HDAC9: variants seen among roughly 807,000 people sequenced by gnomAD.
HDAC9 encodes the protein histone deacetylase 9, also known as MEF-2 interacting transcription repressor (MITR) protein.
Under a neutral mutation model 139.4 loss-of-function variants are expected in HDAC9, and 41 were observed. The ratio of observed to expected loss-of-function variants is 0.29; its 90% CI spans 0.23 to 0.38. HDAC9 has a LOEUF of 0.38. HDAC9 is among the 10% of genes least tolerant of loss of function. The pLI, the probability that HDAC9 is intolerant of heterozygous loss-of-function variation, is 1.00. For synonymous variants in HDAC9, 517 were observed against 476.2 expected (o/e 1.09, Z -1.12); for missense variants, 1,147 against 1,297.0 (o/e 0.88, Z 1.78).
chr7:18,667,657 G>A, intron 12 of HDAC9: 1 of 985,168 alleles, frequency 1.0e-6, no homozygotes, highest in South Asian at 4.7e-5. Flanking sequence ...AATGCCTTGT[G>A]GAAACAGGAA....
At chr7:18,680,754 G>C (rs1781838321) in intron 12 of HDAC9, among the ~76,000 whole-genome samples, 1 of 152,026 alleles carries the variant, frequency 6.6e-6, no homozygotes, top group Admixed American at 6.6e-5. Context: ...TCACGTGCCA[G>C]CCTTCGGGCA....
chr7:18,586,624 A>G (rs775138373), intron 3 of HDAC9, among the ~76,000 whole-genome samples: 10 of 152,076 alleles, frequency 6.6e-5, no homozygotes, highest in Admixed American at 5.9e-4. Context: ...CTTCTTCTCT[A>G]TATTACTTGG....
intron 12 of HDAC9, among the ~76,000 whole-genome samples, chr7:18,700,561 G>A (rs898005398): frequency 1.3e-5 from 2 of 152,212 alleles, no homozygotes; most frequent in Non-Finnish European, 2.9e-5. Flanking sequence ...ACAGTATTGA[G>A]TTGGCAACCT....
intron 17 of HDAC9, among the ~76,000 whole-genome samples, chr7:18,802,039 T>G (rs1005889451): frequency 6.6e-6 from 1 of 151,708 alleles, no homozygotes; most frequent in African/African-American, 2.4e-5. Context: ...ATATATTTTA[T>G]GAATTTCTTC....
At chr7:18,087,301 T>TA (rs1781857445) in intron 1 of HDAC9, 1 of 152,138 alleles carries the variant, frequency 6.6e-6, no homozygotes, top group South Asian at 2.1e-4. Context: ...TGCGCCGCGG[T>TA]ATTCCCTTCT....
At chr7:18,147,599 CATT>C (rs966951034) in intron 1 of HDAC9, among the ~76,000 whole-genome samples, 1 of 151,076 alleles carries the variant, frequency 6.6e-6, no homozygotes, top group African/African-American at 2.4e-5. Flanking sequence ...CTCATCTACT[CATT>C]ATATGTTTAT....
chr7:18,249,532 A>C (rs998262653), intron 2 of HDAC9, among the ~76,000 whole-genome samples: 4 of 144,166 alleles, frequency 2.8e-5, no homozygotes, highest in East Asian at 2.1e-4. Flanking sequence ...AACAAAAAAA[A>C]AACTTTCTGA....
intron 1 of HDAC9, among the ~76,000 whole-genome samples, chr7:18,441,920 A>G (rs1021935535): frequency 1.3e-5 from 2 of 151,944 alleles, no homozygotes; most frequent in Admixed American, 1.3e-4. Context: ...GGCGCCCGCT[A>G]CCACGCCCGG....
intron 1 of HDAC9, among the ~76,000 whole-genome samples, chr7:18,397,200 G>A (rs1787143449): frequency 6.6e-6 from 1 of 152,214 alleles, no homozygotes; most frequent in Middle Eastern, 3.4e-3. Context: ...GAATACGGGG[G>A]CAGAAGGGAG....
intron 1 of HDAC9, among the ~76,000 whole-genome samples, chr7:18,318,681 G>A (rs1323876521): frequency 3.3e-5 from 5 of 152,170 alleles, no homozygotes; most frequent in Non-Finnish European, 7.3e-5. Context: ...CTTGAGAGAC[G>A]AAGGCAGTAA....
At chr7:18,501,011 A>G (rs751087061) in intron 2 of HDAC9, among the ~76,000 whole-genome samples, 20 of 152,172 alleles carry the variant, frequency 1.3e-4, no homozygotes, top group Non-Finnish European at 2.5e-4. Context: ...ACACATAAAG[A>G]TGAAAGGTTT....
chr7:18,261,981 T>A (rs756867949), intron 2 of HDAC9, among the ~76,000 whole-genome samples: 4 of 152,226 alleles, frequency 2.6e-5, no homozygotes, highest in Non-Finnish European at 4.4e-5. Context: ...TTTGTTTACA[T>A]TTTTGCCCTA....
intron 21 of HDAC9, among the ~76,000 whole-genome samples, chr7:18,846,832 A>G (rs1796938860): frequency 6.6e-6 from 1 of 152,206 alleles, no homozygotes. Context: ...ACACAAATGC[A>G]CTGAATAGCT....
At chr7:18,616,339 T>C (rs1488687162) in intron 6 of HDAC9, among the ~76,000 whole-genome samples, 1 of 152,206 alleles carries the variant, frequency 6.6e-6, no homozygotes, top group African/African-American at 2.4e-5. Context: ...TGCAGTGTAC[T>C]TTGACTTACT....
intron 5 of HDAC9, among the ~76,000 whole-genome samples, chr7:18,593,301 C>T (rs1831509838): frequency 6.6e-6 from 1 of 151,906 alleles, no homozygotes; most frequent in Non-Finnish European, 1.5e-5. Flanking sequence ...TCTCCAGCAG[C>T]ACAGTTGCAT....
intron 2 of HDAC9, among the ~76,000 whole-genome samples, chr7:18,526,858 A>G (rs1303069947): frequency 6.6e-6 from 1 of 152,148 alleles, no homozygotes; most frequent in African/African-American, 2.4e-5. Context: ...TTCAAAGACA[A>G]GGGGGTCTTA....
intron 8 of HDAC9, among the ~76,000 whole-genome samples, chr7:18,636,450 C>T (rs1156665137): frequency 6.6e-6 from 1 of 151,962 alleles, no homozygotes; most frequent in African/African-American, 2.4e-5. Flanking sequence ...ATTTGTAGTT[C>T]CCACGTTAGG....
intron 23 of HDAC9, chr7:18,949,778 T>C (rs1310885305): frequency 1.3e-5 from 2 of 152,128 alleles, no homozygotes; most frequent in South Asian, 4.1e-4. Flanking sequence ...TGGCACCCAC[T>C]GTGGTGGGAG....
upstream of HDAC9, among the ~76,000 whole-genome samples, chr7:18,495,362 AAAATG>A (rs957175054): frequency 4.6e-5 from 7 of 152,136 alleles, no homozygotes; most frequent in African/African-American, 9.7e-5. Flanking sequence ...CTACAAAAAT[AAAATG>A]AAATGAAATG....
Sources: allele counts gnomAD v4.1 joint callset (sites outside exome capture counted in the v4.1 genomes callset), GRCh38; gene constraint gnomAD v4.1.1; transcripts MANE v1.5; gene names NCBI Gene and HGNC (gene_info 2026-07-23, HGNC 2026-07-21).